KIAA1210: variants seen among roughly 807,000 people sequenced by gnomAD.
KIAA1210 encodes the protein acrosomal protein KIAA1210.
KIAA1210 carries 48 observed loss-of-function variants against 78.9 expected under a neutral mutation model. The observed-to-expected ratio is 0.61, with a 90% confidence interval of 0.48 to 0.77. The LOEUF (loss-of-function observed/expected upper bound fraction) is 0.77. KIAA1210 is among the 30% of genes least tolerant of loss of function. KIAA1210 has a pLI of 0.00. For synonymous variants in KIAA1210, 406 were observed against 404.5 expected (o/e 1.00, Z -0.04); for missense variants, 1,108 against 1,100.0 (o/e 1.01, Z -0.10).
At chrX:119,082,914 A>G (rs946915778) in intron 11 of KIAA1210, 101 bp downstream of exon 11, 13 of 487,083 alleles carry the variant, frequency 2.7e-5, no homozygotes, top group African/African-American at 2.6e-4. Context: ...CATTAAGCTG[A>G]CTTAAGGTAA....
intron 6 of KIAA1210, among the ~76,000 whole-genome samples, chrX:119,097,809 C>T (rs746270071): frequency 8.9e-6 from 1 of 111,788 alleles, no homozygotes; most frequent in African/African-American, 3.2e-5. Flanking sequence ...GTTTTGGATT[C>T]AGGGAGAAGA....
chrX:119,125,703 C>A (rs1485268847), intron 1 of KIAA1210, among the ~76,000 whole-genome samples: 1 of 31,988 alleles, frequency 3.1e-5, no homozygotes, highest in Non-Finnish European at 6.1e-5. Context: ...CTCCACCATG[C>A]CCAGCTAATA....
chrX:119,137,267 G>T (rs1163459540), intron 2 of KIAA1210, among the ~76,000 whole-genome samples: 1 of 112,201 alleles, frequency 8.9e-6, no homozygotes, highest in Admixed American at 9.4e-5. Flanking sequence ...CTGCCCAGGG[G>T]CACATGACAA....
At chrX:119,145,267 G>A (rs1398526917) in intron 2 of KIAA1210, among the ~76,000 whole-genome samples, 1 of 110,851 alleles carries the variant, frequency 9.0e-6, no homozygotes, top group Non-Finnish European at 1.9e-5. Flanking sequence ...ATTTGGGGCT[G>A]CAAAATTCTT....
chrX:119,088,651 T>C lies in KIAA1210; in HGVS notation c.2051A>G (p.Tyr684Cys), dbSNP rs1287118587. ...FTESSSYVEK[Y>C]NTSDDCSSSE... ...GCTGCTGCAATCATCAGAAGTGTTG[T>C]ACTTTTCAACATAACTGCTTGATTC... The change falls in exon 9 of 12, where the codon TAC becomes TGC. Residue 684 changes from tyrosine (Y) to cysteine (C), a missense_variant. Physicochemically the swap from Tyr to Cys is radical, Grantham distance 194 (BLOSUM62 -2). This residue lies in a region of KIAA1210 where 672 missense variants were observed against 607.1 expected (regional missense o/e 1.11). Coordinates refer to ENST00000691062, the MANE Select transcript of KIAA1210 (RefSeq NM_001394962.1). 1 of 1,209,894 alleles carries C rather than the reference T, an allele frequency of 8.3e-7. No individual in the cohort carries two copies. The highest frequency in any genetic ancestry group is 1.7e-5 in the African/African-American group (1 of 57,338).
At position 119,112,341 on chromosome X, in the gene KIAA1210, T is replaced by A. The variant is rs73592482; in HGVS notation, c.231-3139A>T. Among the ~76,000 whole-genome samples, 450 of 111,700 alleles carry A rather than the reference T, an allele frequency of 4.0e-3. 1 individual carries two copies. Among genetic ancestry groups the A allele is most frequent in the African/African-American group, 0.014 (421 of 30,757 alleles). ...AAAGATGACCTACGTAATGGAAGAA[T>A]ATATTTGCAAATTATATATCTGATA... On this transcript the variant is annotated intron_variant, in intron 3 of 11. Coordinates refer to ENST00000691062, the MANE Select transcript of KIAA1210 (RefSeq NM_001394962.1).
At chrX:119,122,734 T>C (rs1190143913) in intron 2 of KIAA1210, among the ~76,000 whole-genome samples, 1 of 111,760 alleles carries the variant, frequency 8.9e-6, no homozygotes, top group Non-Finnish European at 1.9e-5. Flanking sequence ...TCTCTCTCTC[T>C]GAGACACAAT....
At chrX:119,149,172 G>A (rs768947559) in intron 1 of KIAA1210, among the ~76,000 whole-genome samples, 2 of 110,324 alleles carry the variant, frequency 1.8e-5, no homozygotes, top group Admixed American at 9.7e-5. Context: ...AAGAGGACCC[G>A]ACAGTTCCTC....
intron 2 of KIAA1210, among the ~76,000 whole-genome samples, chrX:119,119,996 G>A (rs201707975): frequency 2.6e-4 from 15 of 57,838 alleles, no homozygotes; most frequent in Middle Eastern, 0.011. Context: ...AAAAAAAAAA[G>A]AAAGAAAGAA....
At chrX:119,146,553 G>T (rs1929172443) in intron 2 of KIAA1210, among the ~76,000 whole-genome samples, 1 of 112,184 alleles carries the variant, frequency 8.9e-6, no homozygotes, top group Non-Finnish European at 1.9e-5. Flanking sequence ...TCTCCTAAAT[G>T]AATTTTTGCA....
At chrX:119,129,228 T>A (rs1322375090), upstream of KIAA1210, among the ~76,000 whole-genome samples, 4 of 110,788 alleles carry the variant, frequency 3.6e-5, no homozygotes, top group Admixed American at 1.9e-4. Flanking sequence ...GTTTGTTGAA[T>A]GAATGCATAA....
rs776343016 is a variant in KIAA1210 at position 119,079,694 on chromosome X, C to A, written c.*1635G>T. 4.5e-5 allele frequency: 5 copies of A among 111,694 alleles called. No individual in the cohort carries two copies. Among genetic ancestry groups the A allele is most frequent in the Non-Finnish European group, 7.5e-5 (4 of 53,117 alleles). 9.2% of individuals were successfully genotyped at this position (111,694 alleles called of 1,213,427 possible). Reference sequence around the variant, plus strand: ...GCCCCCTCCCCTCACAGCTGACCATCCCTCTCATCCTCTTTCTCACTCTCC... The same window carrying A: ...GCCCCCTCCCCTCACAGCTGACCATACCTCTCATCCTCTTTCTCACTCTCC... On this transcript the variant is annotated 3_prime_UTR_variant, in exon 12 of 12. Coordinates refer to ENST00000691062, the MANE Select transcript of KIAA1210 (RefSeq NM_001394962.1).
At chrX:119,082,701 A>C (rs936295234) in intron 11 of KIAA1210, among the ~76,000 whole-genome samples, 3 of 112,199 alleles carry the variant, frequency 2.7e-5, no homozygotes, top group Admixed American at 1.9e-4. Flanking sequence ...CTGGAAAGTG[A>C]CTTGGTACTT....
In KIAA1210 at chrX:119,092,630, G is replaced by A. The variant is rs193000880; in HGVS notation, c.955+1037C>T. 6.4e-5 allele frequency among the ~76,000 whole-genome samples: 7 copies of A among 109,790 alleles called. No individual in the cohort carries two copies. The East Asian group carries it at 1.7e-3, about 27-fold the overall frequency. ...CAAAAAATTAGCCAAGCGTGGCGGC[G>A]GGCGCCTGTAGTCCCAGCTACTAGG... is the stretch of plus-strand genomic sequence containing the variant. On this transcript the variant is annotated intron_variant, in intron 8 of 11. Transcript: ENST00000691062.
Position 119,088,770 on chromosome X carries a change from A to G in KIAA1210, c.1932T>C (p.Ser644=), listed in dbSNP as rs1391152415. The G allele has an allele frequency of 8.3e-7, 1 of 1,209,669 alleles. No individual in the cohort carries two copies. The highest frequency in any genetic ancestry group is 1.1e-6 in the Non-Finnish European group (1 of 895,082). ...DEQEVFSESK[S]FVEDLSSSEE... ...CAGAGCTGCTCAAGTCCTCAACAAA[A>G]CTTTTTGATTCTGAGAAGACTTCTT... Residue 644 remains serine (S), a synonymous_variant, in exon 9 of 12, where the codon AGT becomes AGC. Coordinates refer to ENST00000691062, the MANE Select transcript of KIAA1210 (RefSeq NM_001394962.1).
At chrX:119,150,773 T>A (rs971011444), upstream of KIAA1210, among the ~76,000 whole-genome samples, 24 of 112,184 alleles carry the variant, frequency 2.1e-4, no homozygotes, top group African/African-American at 7.4e-4. Context: ...AGCCCAGAGG[T>A]GTCTCGCTGT....
At chrX:119,093,376 G>C (rs919431539) in intron 8 of KIAA1210, among the ~76,000 whole-genome samples, 1 of 112,477 alleles carries the variant, frequency 8.9e-6, no homozygotes, top group African/African-American at 3.2e-5. Flanking sequence ...TAGCCTCGGA[G>C]AGGATGAAAC....
chrX:119,106,006 G>A (rs185958071), intron 5 of KIAA1210, among the ~76,000 whole-genome samples: 4 of 111,674 alleles, frequency 3.6e-5, no homozygotes, highest in Admixed American at 9.5e-5. Context: ...TGACATACTT[G>A]CTTCTGTTGT....
intron 11 of KIAA1210, among the ~76,000 whole-genome samples, chrX:119,082,428 C>T (rs904929514): frequency 1.6e-4 from 18 of 111,996 alleles, no homozygotes; most frequent in African/African-American, 5.5e-4. Flanking sequence ...CCATCATCCA[C>T]TCCCCTGCTC....
Sources: allele counts gnomAD v4.1 joint callset (sites outside exome capture counted in the v4.1 genomes callset), GRCh38; gene constraint gnomAD v4.1.1; regional missense constraint gnomAD v4.1.1; transcripts MANE v1.5; gene names NCBI Gene and HGNC (gene_info 2026-07-23, HGNC 2026-07-21).